The following MBD5 variants were observed in gnomAD, a reference collection of about 807,000 sequenced individuals.
The protein encoded by MBD5 is methyl-CpG-binding domain protein 5.
In MBD5, 13 loss-of-function variants were observed where a neutral mutation model predicts 117.3. The observed-to-expected ratio is 0.11, with a 90% CI of 0.07 to 0.18. MBD5 has a LOEUF of 0.18. MBD5 is among the 10% of genes least tolerant of loss of function. MBD5 has a pLI of 1.00. For missense variants in MBD5, 1,879 were observed against 2,093.8 expected (o/e 0.90, Z 2.00); for synonymous variants, 727 against 766.4 (o/e 0.95, Z 0.85).
intron 1 of MBD5, among the ~76,000 whole-genome samples, chr2:148,069,011 A>G (rs1573979072): frequency 6.6e-6 from 1 of 152,232 alleles, no homozygotes; most frequent in East Asian, 1.9e-4. Flanking sequence ...TTCTAGTAGT[A>G]CAGGATTCAT....
At chr2:148,137,202 T>C (rs1697191574) in intron 1 of MBD5, among the ~76,000 whole-genome samples, 1 of 152,216 alleles carries the variant, frequency 6.6e-6, no homozygotes, top group South Asian at 2.1e-4. Context: ...TTTTCTCACT[T>C]AACACACAGT....
intron 1 of MBD5, among the ~76,000 whole-genome samples, chr2:148,113,174 C>T (rs1335027549): frequency 6.6e-6 from 1 of 152,158 alleles, no homozygotes; most frequent in Non-Finnish European, 1.5e-5. Flanking sequence ...ATCACACAAA[C>T]TCCTAATACT....
At chr2:148,173,123 A>C (rs913383970) in intron 1 of MBD5, among the ~76,000 whole-genome samples, 2 of 152,006 alleles carry the variant, frequency 1.3e-5, no homozygotes, top group African/African-American at 4.8e-5. Context: ...GGGCTAAAAC[A>C]CGCCCCCCAC....
chr2:148,066,783 G>C (rs1303561729), intron 1 of MBD5, among the ~76,000 whole-genome samples: 3 of 152,072 alleles, frequency 2.0e-5, no homozygotes, highest in African/African-American at 7.2e-5. Context: ...CAGCTACCAT[G>C]TTTTTTTCAC....
intron 1 of MBD5, among the ~76,000 whole-genome samples, chr2:148,067,903 G>C (rs1695248172): frequency 6.6e-6 from 1 of 152,202 alleles, no homozygotes; most frequent in Admixed American, 6.5e-5. Flanking sequence ...TTGGTAATCT[G>C]ATAAGGGTAG....
chr2:148,267,563 C>T (rs1009534922), intron 3 of MBD5, among the ~76,000 whole-genome samples: 3 of 152,082 alleles, frequency 2.0e-5, no homozygotes, highest in Non-Finnish European at 2.9e-5. Context: ...AGCTAAAGCC[C>T]ATCTCCATTC....
At chr2:148,236,842 G>A (rs79342356) in intron 3 of MBD5, among the ~76,000 whole-genome samples, 15,188 of 152,010 alleles carry the variant, frequency 0.1, 809 homozygotes, top group South Asian at 0.16. Flanking sequence ...CCAATTGAAG[G>A]CTGTTGTATC....
At chr2:148,383,208 G>C (rs1704215365) in intron 4 of MBD5, among the ~76,000 whole-genome samples, 1 of 152,028 alleles carries the variant, frequency 6.6e-6, no homozygotes, top group Non-Finnish European at 1.5e-5. Flanking sequence ...TAGACCGCTA[G>C]CAAGACTAAT....
chr2:148,173,080 C>A (rs1340952870), intron 1 of MBD5, among the ~76,000 whole-genome samples: 1 of 152,188 alleles, frequency 6.6e-6, no homozygotes, highest in East Asian at 1.9e-4. Flanking sequence ...TGGGACCCGC[C>A]GAATGGCACC....
At chr2:148,309,089 ATGC>A (rs1701966124) in intron 3 of MBD5, among the ~76,000 whole-genome samples, 1 of 152,200 alleles carries the variant, frequency 6.6e-6, no homozygotes, top group Non-Finnish European at 1.5e-5. Context: ...AAGTAGCATG[ATGC>A]CTACAGCTTT....
At chr2:148,341,691 T>C (rs1221543984) in intron 3 of MBD5, among the ~76,000 whole-genome samples, 1 of 151,938 alleles carries the variant, frequency 6.6e-6, no homozygotes, top group Admixed American at 6.6e-5. Flanking sequence ...AAGAGTAGGT[T>C]TGAAGTTAGA....
chr2:148,123,284 A>C (rs1444010508), intron 1 of MBD5, among the ~76,000 whole-genome samples: 2 of 152,240 alleles, frequency 1.3e-5, no homozygotes, highest in Non-Finnish European at 2.9e-5. Context: ...TATATGTCTT[A>C]AGAAAATGAC....
At chr2:148,051,341 A>G (rs1041902028) in intron 1 of MBD5, among the ~76,000 whole-genome samples, 6 of 151,648 alleles carry the variant, frequency 4.0e-5, no homozygotes, top group Non-Finnish European at 8.8e-5. Flanking sequence ...TTTTATACAT[A>G]AGATTATGTC....
chr2:148,137,051 C>T (rs1006521427), intron 1 of MBD5, among the ~76,000 whole-genome samples: 1 of 152,014 alleles, frequency 6.6e-6, no homozygotes, highest in Non-Finnish European at 1.5e-5. Flanking sequence ...CGTGAGTCAC[C>T]GTGCCCAGCC....
In MBD5 at chr2:148,468,879, A is replaced by C. The variant is rs142815487; in HGVS notation, c.936A>C (p.Lys312Asn). The C allele has an allele frequency of 7.2e-5, 116 of 1,613,726 alleles. No individual in the cohort carries two copies. The highest frequency in any genetic ancestry group is 9.2e-5 in the Non-Finnish European group (109 of 1,179,928). The change falls in exon 8 of 14, where the codon AAA becomes AAC. Residue 312 changes from lysine (K) to asparagine (N), a missense_variant. Coordinates refer to ENST00000642680, the MANE Select transcript of MBD5 (RefSeq NM_001378120.1). ...CTACAAAGAGTCCAGTAATGAAAAA[A>C]CCAATGTGTAATTTTTCAACTAATA... ...TLTTKSPVMKKPMCNFSTNME... is the reference protein window; with the variant it reads ...TLTTKSPVMKNPMCNFSTNME...
chr2:148,242,924 A>G (rs562817267), intron 3 of MBD5, among the ~76,000 whole-genome samples: 2 of 152,278 alleles, frequency 1.3e-5, no homozygotes, highest in South Asian at 4.1e-4. Context: ...GTGGGTTTCA[A>G]AAACGTTTTG....
intron 2 of MBD5, among the ~76,000 whole-genome samples, chr2:148,227,244 T>C (rs1309689187): frequency 1.3e-5 from 2 of 152,232 alleles, no homozygotes; most frequent in African/African-American, 4.8e-5. Context: ...TTGATGGTTT[T>C]GGGTCTAACA....
chr2:148,391,024 A>G (rs1316946386), intron 4 of MBD5, among the ~76,000 whole-genome samples: 1 of 152,228 alleles, frequency 6.6e-6, no homozygotes, highest in Non-Finnish European at 1.5e-5. Context: ...AGGAATGATT[A>G]CAGCCTTTAA....
intron 8 of MBD5, among the ~76,000 whole-genome samples, chr2:148,479,399 C>T (rs1035228915): frequency 6.6e-6 from 1 of 152,150 alleles, no homozygotes; most frequent in Non-Finnish European, 1.5e-5. Flanking sequence ...ATCAAACTAC[C>T]TACTTCTAAA....
Sources: allele counts gnomAD v4.1 joint callset (sites outside exome capture counted in the v4.1 genomes callset), GRCh38; gene constraint gnomAD v4.1.1; transcripts MANE v1.5; gene names NCBI Gene and HGNC (gene_info 2026-07-23, HGNC 2026-07-21).